Variants in ASIC2 observed in about 807,000 individuals in gnomAD.
ASIC2 encodes the protein acid sensing ion channel subunit 2, also known as acid-sensing ion channel 2.
Under a neutral mutation model 57.3 loss-of-function variants are expected in ASIC2, and 25 were observed. The ratio of observed to expected loss-of-function variants is 0.44; its 90% CI spans 0.32 to 0.61. The LOEUF (loss-of-function observed/expected upper bound fraction) is 0.61. Among genes scored for constraint, ASIC2 ranks in the 20% least tolerant of loss-of-function variants. The probability of loss-of-function intolerance (pLI) is 0.06; values close to 1 mark genes in which losing one functional copy is unlikely to be tolerated. For synonymous variants in ASIC2, 319 were observed against 307.5 expected, an observed-to-expected ratio of 1.04 and a Z score of -0.39; for missense variants, 641 against 738.1, an observed-to-expected ratio of 0.87 and a Z score of 1.52.
At chr17:33,455,451 C>T (rs1912415370) in intron 1 of ASIC2, among the ~76,000 whole-genome samples, 1 of 152,200 alleles carries the variant, frequency 6.6e-6, no homozygotes, top group African/African-American at 2.4e-5. Context: ...ATTTGGCTTA[C>T]TGTTTCTTTG....
chr17:33,143,012 C>T (rs1301627344), intron 1 of ASIC2, among the ~76,000 whole-genome samples: 1 of 152,142 alleles, frequency 6.6e-6, no homozygotes, highest in Non-Finnish European at 1.5e-5. Flanking sequence ...TCAATAAGGG[C>T]TTAGTGATGA....
chr17:33,590,668 C>A (rs971874232), intron 1 of ASIC2, among the ~76,000 whole-genome samples: 2 of 151,982 alleles, frequency 1.3e-5, no homozygotes, highest in African/African-American at 2.4e-5. Flanking sequence ...ATCTCTACAC[C>A]ACACTCCAAT....
intron 1 of ASIC2, among the ~76,000 whole-genome samples, chr17:33,732,283 A>G (rs756947664): frequency 6.6e-6 from 1 of 152,216 alleles, no homozygotes; most frequent in Non-Finnish European, 1.5e-5. Flanking sequence ...CAGGAAGACC[A>G]AAGGAGTCAT....
chr17:33,785,687 A>G (rs1332241234), intron 1 of ASIC2, among the ~76,000 whole-genome samples: 2 of 152,214 alleles, frequency 1.3e-5, no homozygotes, highest in African/African-American at 4.8e-5. Context: ...TGAGTCATCA[A>G]TATTCTCACT....
intron 1 of ASIC2, among the ~76,000 whole-genome samples, chr17:33,280,392 A>G (rs1028065259): frequency 6.6e-6 from 1 of 152,196 alleles, no homozygotes; most frequent in Non-Finnish European, 1.5e-5. Flanking sequence ...AGCTGTTCTG[A>G]GATATTTGAA....
chr17:34,125,898 G>A (rs1548508), intron 1 of ASIC2, among the ~76,000 whole-genome samples: 4,649 of 152,262 alleles, frequency 0.031, 255 homozygotes, highest in African/African-American at 0.11. Flanking sequence ...CCAGAGGGCA[G>A]GGAGGTAACT....
intron 1 of ASIC2, among the ~76,000 whole-genome samples, chr17:33,613,692 G>A (rs1029503974): frequency 3.3e-5 from 5 of 152,022 alleles, no homozygotes; most frequent in East Asian, 1.9e-4. Context: ...ATACACATAC[G>A]GAAATGTGTA....
At chr17:34,130,904 G>A (rs1158688375) in intron 1 of ASIC2, among the ~76,000 whole-genome samples, 2 of 152,238 alleles carry the variant, frequency 1.3e-5, no homozygotes, top group Non-Finnish European at 2.9e-5. Context: ...AAGCACCAAG[G>A]CATTTATTCA....
At chr17:33,890,652 G>C (rs1385027809) in intron 1 of ASIC2, among the ~76,000 whole-genome samples, 1 of 152,108 alleles carries the variant, frequency 6.6e-6, no homozygotes, top group East Asian at 1.9e-4. Flanking sequence ...ATGTAGAGTT[G>C]GGCCTAGTCC....
chr17:33,577,556 C>G (rs1916665507), intron 1 of ASIC2, among the ~76,000 whole-genome samples: 1 of 152,116 alleles, frequency 6.6e-6, no homozygotes, highest in Non-Finnish European at 1.5e-5. Flanking sequence ...GACTTCTCCC[C>G]AGAATAACCA....
intron 1 of ASIC2, among the ~76,000 whole-genome samples, chr17:33,838,627 C>A (rs547841545): frequency 6.6e-6 from 1 of 152,186 alleles, no homozygotes; most frequent in African/African-American, 2.4e-5. Context: ...GGGAACTGAG[C>A]CTGAGTTATT....
At chr17:33,227,479 A>G (rs532077033) in intron 1 of ASIC2, among the ~76,000 whole-genome samples, 3 of 152,214 alleles carry the variant, frequency 2.0e-5, no homozygotes, top group Admixed American at 6.5e-5. Context: ...AGTGAGACCC[A>G]GTTCCCTTGG....
chr17:33,069,210 C>A (rs2092057312), intron 3 of ASIC2, among the ~76,000 whole-genome samples: 1 of 152,170 alleles, frequency 6.6e-6, no homozygotes, highest in Non-Finnish European at 1.5e-5. Context: ...CTTTCTATGA[C>A]TTGAATCCTT....
At chr17:33,200,037 T>C (rs574718647) in intron 1 of ASIC2, among the ~76,000 whole-genome samples, 2 of 152,122 alleles carry the variant, frequency 1.3e-5, no homozygotes, top group African/African-American at 4.8e-5. Flanking sequence ...GCACATGCTG[T>C]TCCCTCTTCC....
intron 1 of ASIC2, among the ~76,000 whole-genome samples, chr17:33,540,413 G>T (rs1915370012): frequency 6.6e-6 from 1 of 152,158 alleles, no homozygotes. Context: ...ATATTTTGGA[G>T]GGGGGCACAA....
At chr17:33,157,330 A>G (rs1905032773) in intron 1 of ASIC2, among the ~76,000 whole-genome samples, 1 of 152,200 alleles carries the variant, frequency 6.6e-6, no homozygotes, top group South Asian at 2.1e-4. Flanking sequence ...TGATCTCATC[A>G]CAACCCTGTA....
chr17:33,244,666 GC>G (rs1394896635), intron 1 of ASIC2, among the ~76,000 whole-genome samples: 1 of 152,094 alleles, frequency 6.6e-6, no homozygotes, highest in East Asian at 1.9e-4. Flanking sequence ...GCCACACCTT[GC>G]CCCACCACGA....
At chr17:33,567,239 T>C (rs896865557) in intron 1 of ASIC2, among the ~76,000 whole-genome samples, 2 of 152,050 alleles carry the variant, frequency 1.3e-5, no homozygotes, top group African/African-American at 4.8e-5. Context: ...TATGAAGGTC[T>C]GAGAGAAGAC....
At chr17:33,783,549 C>G (rs574445705) in intron 1 of ASIC2, among the ~76,000 whole-genome samples, 1 of 152,344 alleles carries the variant, frequency 6.6e-6, no homozygotes, top group South Asian at 2.1e-4. Context: ...AACTGCACTG[C>G]AGAGCAGAGC....
Sources: allele counts gnomAD v4.1 joint callset (sites outside exome capture counted in the v4.1 genomes callset), GRCh38; gene constraint gnomAD v4.1.1; transcripts MANE v1.5; gene names NCBI Gene and HGNC (gene_info 2026-07-23, HGNC 2026-07-21).